LINGO2: variants seen among roughly 807,000 people sequenced by gnomAD.
The protein encoded by LINGO2 is leucine-rich repeat and immunoglobulin-like domain-containing nogo receptor-interacting protein 2.
In LINGO2, 14 loss-of-function variants were observed where a neutral mutation model predicts 30.6. That is an observed-to-expected ratio of 0.46 (90% confidence interval 0.30 to 0.72). LINGO2 has a LOEUF of 0.72. Among genes scored for constraint, LINGO2 ranks in the 30% least tolerant of loss-of-function variants. The pLI is 0.07. For synonymous variants in LINGO2, 317 were observed against 288.5 expected (o/e 1.10, Z -1.00); for missense variants, 729 against 751.7 (o/e 0.97, Z 0.35).
chr9:28,728,615 G>A, the LINGO2 span, among the ~76,000 whole-genome samples: 1 of 151,862 alleles, frequency 6.6e-6, no homozygotes, highest in East Asian at 1.9e-4. Context: ...TACTTATAAT[G>A]GACGGAAAAA....
In LINGO2 at chr9:28,412,463, A is replaced by T. The variant is rs1487309055; in HGVS notation, c.-278-39595T>A. 2.0e-5 allele frequency among the ~76,000 whole-genome samples: 3 copies of T among 152,088 alleles called. No individual in the cohort carries two copies. The East Asian group carries it at 5.8e-4, about 29-fold the overall frequency. On this transcript the variant is annotated intron_variant, in intron 2 of 5. Coordinates refer to ENST00000379992, the Ensembl canonical transcript of LINGO2. The stretch of plus-strand genomic sequence containing the variant: ...TAAAAATTAAAAAACATGCAAATTG[A>T]AAAGGGAGACGTAAAATTATTCCTG...
At chr9:29,093,068 GAGAC>G in the LINGO2 span, among the ~76,000 whole-genome samples, 1 of 126,254 alleles carries the variant, frequency 7.9e-6, no homozygotes, top group Non-Finnish European at 1.7e-5. Flanking sequence ...GAGAGAGAGA[GAGAC>G]AGAGAGAGGG....
At chr9:29,084,505 AAT>A in the LINGO2 span, among the ~76,000 whole-genome samples, 5 of 152,204 alleles carry the variant, frequency 3.3e-5, no homozygotes, top group East Asian at 9.7e-4. Flanking sequence ...TGTAAAATAC[AAT>A]AAAGTCATTA....
chr9:28,303,883 G>A (rs1479237379), intron 3 of LINGO2, among the ~76,000 whole-genome samples: 1 of 151,940 alleles, frequency 6.6e-6, no homozygotes, highest in Non-Finnish European at 1.5e-5. Context: ...AACACACTGG[G>A]TATAACTTTT....
At chr9:28,360,933 C>A (rs1424597570) in intron 3 of LINGO2, among the ~76,000 whole-genome samples, 2 of 152,060 alleles carry the variant, frequency 1.3e-5, no homozygotes, top group African/African-American at 4.8e-5. Flanking sequence ...ATACAATAGT[C>A]CCCCCCTTAT....
chr9:29,172,725 T>C, the LINGO2 span, among the ~76,000 whole-genome samples: 6 of 151,932 alleles, frequency 3.9e-5, no homozygotes, highest in Admixed American at 3.3e-4. Context: ...AATTAAACTC[T>C]TCTTTCACAA....
chr9:28,384,803 A>G (rs1821510766), intron 2 of LINGO2, among the ~76,000 whole-genome samples: 1 of 149,678 alleles, frequency 6.7e-6, no homozygotes, highest in South Asian at 2.1e-4. Flanking sequence ...GGGTCTTTTC[A>G]AAGTTTCAGA....
At chr9:28,342,723 T>C (rs868788717) in intron 3 of LINGO2, among the ~76,000 whole-genome samples, 6 of 152,064 alleles carry the variant, frequency 3.9e-5, no homozygotes, top group Non-Finnish European at 5.9e-5. Flanking sequence ...AGTAAAAAAC[T>C]TACAAATGTA....
chr9:28,629,572 T>C (rs1456520565), intron 1 of LINGO2, among the ~76,000 whole-genome samples: 3 of 152,034 alleles, frequency 2.0e-5, no homozygotes. Context: ...GCCAAATACA[T>C]ACTAAAAATG....
the LINGO2 span, among the ~76,000 whole-genome samples, chr9:28,866,373 C>A: frequency 2.0e-5 from 3 of 152,040 alleles, no homozygotes; most frequent in East Asian, 5.8e-4. Flanking sequence ...AATAACCGTG[C>A]ATCAGTTATT....
At chr9:29,069,268 G>A in the LINGO2 span, among the ~76,000 whole-genome samples, 3 of 151,886 alleles carry the variant, frequency 2.0e-5, no homozygotes, top group Non-Finnish European at 2.9e-5. Flanking sequence ...AATAAATACT[G>A]TCATCATAAG....
the LINGO2 span, among the ~76,000 whole-genome samples, chr9:29,211,460 A>T: frequency 1.3e-5 from 2 of 152,116 alleles, no homozygotes; most frequent in African/African-American, 4.8e-5. Context: ...CTGAACTCCA[A>T]GGCCATTTCC....
the LINGO2 span, among the ~76,000 whole-genome samples, chr9:28,798,351 G>C: frequency 6.6e-6 from 1 of 152,032 alleles, no homozygotes; most frequent in South Asian, 2.1e-4. Context: ...AAAAAGAGTG[G>C]GTTCTAGTGA....
chr9:29,188,334 G>C, the LINGO2 span, among the ~76,000 whole-genome samples: 1 of 151,708 alleles, frequency 6.6e-6, no homozygotes, highest in Non-Finnish European at 1.5e-5. Context: ...CAGGGTTGGG[G>C]GTAAGGTCAC....
intron 4 of LINGO2, among the ~76,000 whole-genome samples, chr9:28,216,893 G>A (rs1029620910): frequency 6.6e-6 from 1 of 151,704 alleles, no homozygotes; most frequent in Admixed American, 6.6e-5. Flanking sequence ...GTGATATTCA[G>A]GTGATATTTT....
At chr9:28,005,997 A>C (rs1408362559) in intron 5 of LINGO2, among the ~76,000 whole-genome samples, 1 of 152,154 alleles carries the variant, frequency 6.6e-6, no homozygotes, top group Non-Finnish European at 1.5e-5. Context: ...GAATCATATG[A>C]ATAGGCCTGT....
At chr9:28,765,845 A>G in the LINGO2 span, among the ~76,000 whole-genome samples, 3 of 152,056 alleles carry the variant, frequency 2.0e-5, no homozygotes, top group Non-Finnish European at 4.4e-5. Context: ...CATGATGGGA[A>G]AAGGATAGTC....
chr9:28,511,456 C>A (rs1292270851), intron 1 of LINGO2, among the ~76,000 whole-genome samples: 1 of 152,126 alleles, frequency 6.6e-6, no homozygotes, highest in Non-Finnish European at 1.5e-5. Context: ...CCATGTATAA[C>A]CTCCATCCCT....
intron 5 of LINGO2, among the ~76,000 whole-genome samples, chr9:27,960,703 T>C (rs1212640963): frequency 1.3e-5 from 2 of 151,902 alleles, no homozygotes; most frequent in Non-Finnish European, 2.9e-5. Context: ...TATTTCTTGC[T>C]TTTGAATCTA....
Sources: gnomAD v4.1 joint callset for allele counts (sites outside exome capture counted in the v4.1 genomes callset) on GRCh38, gnomAD v4.1.1 for gene constraint, MANE v1.5 for transcripts, NCBI Gene and HGNC (gene_info 2026-07-23, HGNC 2026-07-21) for gene names.